Variants in PDCD6 observed in about 807,000 individuals in gnomAD.
PDCD6 encodes programmed cell death 6, also known as programmed cell death protein 6.
In PDCD6, 12 loss-of-function variants were observed where a neutral mutation model predicts 28.3. The ratio of observed to expected loss-of-function variants is 0.42; its 90% CI spans 0.27 to 0.69. PDCD6 has a LOEUF of 0.69. PDCD6 is among the 30% of genes least tolerant of loss of function. The pLI, the probability that PDCD6 is intolerant of heterozygous loss-of-function variation, is 0.22. For missense variants in PDCD6, 226 were observed against 269.9 expected, an observed-to-expected ratio of 0.84 and a Z score of 1.14; for synonymous variants, 92 against 108.0, an observed-to-expected ratio of 0.85 and a Z score of 0.92.
At chr5:308,206 C>T (rs1740653881) in intron 4 of PDCD6, 1 of 152,294 alleles carries the variant, frequency 6.6e-6, no homozygotes, top group Non-Finnish European at 1.5e-5. Context: ...ACATCTTTTC[C>T]TAACCTTGTC....
chr5:276,047 T>C lies in PDCD6; in HGVS notation c.163+3275T>C, dbSNP rs1279611510. The C allele has an allele frequency of 6.4e-6, 8 of 1,245,790 alleles. 1 individual carries two copies. The South Asian group carries it at 1.0e-4, about 16-fold the overall frequency. The allele number at this position is 1,245,790 out of a possible 1,614,324, so 77.2% of individuals were successfully genotyped here. ...CACCCGCCCTTCAGGATGCCAGCCT[T>C]GGCAACATTGTGAGACCCTGTTTCT... is the stretch of plus-strand genomic sequence containing the variant. On this transcript the variant is annotated intron_variant, in intron 2 of 5. Transcript: ENST00000264933.
intron 2 of PDCD6, among the ~76,000 whole-genome samples, chr5:296,422 G>A (rs1285523866): frequency 1.3e-5 from 2 of 152,176 alleles, no homozygotes; most frequent in Admixed American, 6.5e-5. Flanking sequence ...GATGCACCTG[G>A]TGTCACTGTT....
At position 271,787 on chromosome 5, in the gene PDCD6, C is replaced by T; in HGVS notation, c.67C>T (p.Pro23Ser). 6.8e-7 allele frequency: 1 copy of T among 1,478,918 alleles called. No homozygotes were observed. Among genetic ancestry groups the T allele is most frequent in the Non-Finnish European group, 8.9e-7 (1 of 1,120,752 alleles). The allele number at this position is 1,478,918 out of a possible 1,614,324, so 91.6% of individuals were successfully genotyped here. Residue 23 changes from proline to serine, a missense_variant, in exon 1 of 6, where the codon CCG becomes TCG. Pro to Ser is a moderately conservative substitution (Grantham distance 74). Transcript: ENST00000264933. ...GPGPAAGAAL[P>S]DQSFLWNVFQ... ...TGGGCCTGCTGCAGGCGCGGCGCTG[C>T]CGGACCAGAGCTTCCTGTGGAACGT...
At chr5:303,859 T>C (rs28605178) in intron 2 of PDCD6, among the ~76,000 whole-genome samples, 19,959 of 125,524 alleles carry the variant, frequency 0.16, 3,228 homozygotes, top group African/African-American at 0.47. Context: ...TGAAAAATTC[T>C]GTGTGTAAAA....
Position 311,339 on chromosome 5 carries a change from T to G in PDCD6, c.414T>G (p.Phe138Leu). Residue 138 changes from phenylalanine (F) to leucine (L), a missense_variant, in exon 5 of 6, where the codon TTT (phenylalanine) becomes TTG (leucine). By Grantham distance (22) the Phe-to-Leu change is conservative. Around this residue, in one of 3 missense-constraint regions of PDCD6, gnomAD observed 151 missense variants for 177.2 expected, o/e 0.85. Transcript: ENST00000264933. ...TCCACGACATCCTCATTCGAAAGTTTGACAGGCAGGGACGGGGGCAGATTG... is the reference window on the plus strand; with the variant it reads ...TCCACGACATCCTCATTCGAAAGTTGGACAGGCAGGGACGGGGGCAGATTG... ...DQFHDILIRK[F>L]DRQGRGQIAF... 1 of 1,614,100 alleles carries G rather than the reference T, an allele frequency of 6.2e-7. No homozygotes were observed. Among genetic ancestry groups the G allele is most frequent in the Non-Finnish European group, 8.5e-7 (1 of 1,179,996 alleles).
At chr5:299,496 T>A (rs1450794964) in intron 2 of PDCD6, among the ~76,000 whole-genome samples, 1 of 151,722 alleles carries the variant, frequency 6.6e-6, no homozygotes, top group Non-Finnish European at 1.5e-5. Context: ...TTTTTTCAAG[T>A]CTCTGTGCTT....
rs1313731467 is a variant in PDCD6, at chr5:305,078, G to C, written c.208+857G>C. Reference sequence around the variant, plus strand: ...GTCTCCATCCCCCGTAGCCAGGTGGGAGCTGCAGCTCCAGGGGCAGGCAGG... The same window carrying C: ...GTCTCCATCCCCCGTAGCCAGGTGGCAGCTGCAGCTCCAGGGGCAGGCAGG... On this transcript the variant is annotated intron_variant, in intron 3 of 5. Coordinates refer to ENST00000264933, the MANE Select transcript of PDCD6 (RefSeq NM_013232.4). The surrounding 1 kb of genome is among the most constrained non-coding windows in gnomAD (Gnocchi z 4.0). 1.3e-5 allele frequency: 2 copies of C among 152,584 alleles called. No individual in the cohort carries two copies. Among genetic ancestry groups the C allele is most frequent in the East Asian group, 1.9e-4 (1 of 5,200 alleles). 9.5% of individuals were successfully genotyped at this position (152,584 alleles called of 1,614,324 possible).
intron 2 of PDCD6, among the ~76,000 whole-genome samples, chr5:302,649 C>T (rs1740174645): frequency 6.9e-6 from 1 of 144,528 alleles, no homozygotes; most frequent in Non-Finnish European, 1.5e-5. Context: ...GTGGGAAGAG[C>T]ACAGCTTCCC....
intron 1 of PDCD6, among the ~76,000 whole-genome samples, chr5:272,072 GC>G (rs1377860138): frequency 6.6e-6 from 1 of 150,536 alleles, no homozygotes; most frequent in Non-Finnish European, 1.5e-5. Context: ...TCCTGGGGCC[GC>G]CCCTGCCTCC....
At chr5:276,295 C>T in intron 2 of PDCD6, 3 of 1,118,332 alleles carry the variant, frequency 2.7e-6, no homozygotes, top group Non-Finnish European at 3.3e-6. Context: ...TTTCTTTTCT[C>T]TGATATGCAC....
chr5:307,242 GGCGTGTGTGTGCTCGGCGTGTGTGT>G lies in PDCD6; in HGVS notation c.367+485_367+509del, dbSNP rs1740566517. Among the ~76,000 whole-genome samples, 1 of 129,130 alleles carries G rather than the reference GGCGTGTGTGTGCTCGGCGTGTGTGT, an allele frequency of 7.7e-6. No homozygotes were observed. Among genetic ancestry groups the G allele is most frequent in the Non-Finnish European group, 1.6e-5 (1 of 62,078 alleles). 84.7% of individuals were successfully genotyped at this position (129,130 alleles called of 152,430 possible). A position where few individuals can be genotyped will look rare whatever the true frequency, so the allele number is the denominator to read the frequency against. ...AGGTGTGCTCGGCGTGTGTGTGCTCGGCGTGTGTGTGCTCGGCGTGTGTGTGCACACGTGTGCCGTGCGCCTCAGA... is the reference window on the plus strand; with the variant it reads ...AGGTGTGCTCGGCGTGTGTGTGCTCGGCACACGTGTGCCGTGCGCCTCAGA... On this transcript the variant is annotated intron_variant, in intron 4 of 5. Transcript: ENST00000264933. This position sits in a 1 kb window ranked among gnomAD's most constrained non-coding sequence, Gnocchi z 6.1.
In PDCD6 at chr5:306,662, A is replaced by G; in HGVS notation, c.269A>G (p.Lys90Arg). The change falls in exon 4 of 6, where the codon AAG becomes AGG. Residue 90 changes from lysine (K) to arginine (R), a missense_variant. Around this residue, in one of 3 missense-constraint regions of PDCD6, gnomAD observed 151 missense variants for 177.2 expected, o/e 0.85. Transcript: ENST00000264933. The stretch of plus-strand genomic sequence containing the variant: ...TTCAGCGAGTTCACGGGTGTGTGGA[A>G]GTACATCACGGACTGGCAGAACGTC... ...VNFSEFTGVW[K>R]YITDWQNVFR... The G allele has an allele frequency of 6.2e-7, 1 of 1,614,058 alleles. No individual in the cohort carries two copies. Among genetic ancestry groups the G allele is most frequent in the East Asian group, 2.2e-5 (1 of 44,880 alleles).
At chr5:273,983 G>C (rs1738019087) in intron 2 of PDCD6, among the ~76,000 whole-genome samples, 1 of 149,926 alleles carries the variant, frequency 6.7e-6, no homozygotes. Flanking sequence ...CTCGGGAAGT[G>C]CAAGACGTGG....
chr5:276,563 A>G, intron 2 of PDCD6: 2 of 980,402 alleles, frequency 2.0e-6, no homozygotes, highest in Non-Finnish European at 2.4e-6. Context: ...AGCCTATACT[A>G]ATATGAATTC....
chr5:299,860 T>TTG (rs1034988681), intron 2 of PDCD6, among the ~76,000 whole-genome samples: 2 of 151,948 alleles, frequency 1.3e-5, no homozygotes, highest in Admixed American at 6.5e-5. Flanking sequence ...GTATTTTTTT[T>TTG]TTTATTTTTT....
chr5:300,681 C>T (rs1254425548), intron 2 of PDCD6, among the ~76,000 whole-genome samples: 1 of 152,244 alleles, frequency 6.6e-6, no homozygotes, highest in Non-Finnish European at 1.5e-5. Flanking sequence ...CGTTACGGGC[C>T]GTTAGGCCTT....
At chr5:293,950 G>C (rs1425135960) in intron 2 of PDCD6, among the ~76,000 whole-genome samples, 1 of 116,666 alleles carries the variant, frequency 8.6e-6, no homozygotes, top group Non-Finnish European at 1.6e-5. Context: ...AGGAAGAGCA[G>C]ATCAAGAAGA....
chr5:298,669 CACTCAGCTGCT>C (rs1561043503), intron 2 of PDCD6, among the ~76,000 whole-genome samples: 12 of 127,924 alleles, frequency 9.4e-5, no homozygotes, highest in African/African-American at 4.0e-4. Context: ...CAGCTGCTCC[CACTCAGCTGCT>C]CCCACTCAGC....
intron 2 of PDCD6, among the ~76,000 whole-genome samples, chr5:278,446 A>G (rs537361435): frequency 4.9e-4 from 75 of 151,916 alleles, no homozygotes; most frequent in Admixed American, 1.8e-3. Flanking sequence ...TCGGTGGCTC[A>G]TGCTTGTAAT....
Sources: gnomAD v4.1 joint callset for allele counts (sites outside exome capture counted in the v4.1 genomes callset) on GRCh38, gnomAD v4.1.1 for gene constraint, gnomAD v4.1.1 regional missense constraint, Gnocchi (gnomAD v3.1) non-coding constraint, MANE v1.5 for transcripts, NCBI Gene and HGNC (gene_info 2026-07-23, HGNC 2026-07-21) for gene names.